Variants in GPC6 observed in about 807,000 individuals in gnomAD.
GPC6 encodes glypican-6.
A neutral mutation model predicts 55.2 loss-of-function variants in GPC6; 14 were observed. The ratio of observed to expected loss-of-function variants is 0.25; its 90% CI spans 0.17 to 0.40. The LOEUF (loss-of-function observed/expected upper bound fraction) is 0.40. GPC6 is among the 10% of genes least tolerant of loss of function. GPC6 has a pLI of 1.00. For missense variants in GPC6, 641 were observed against 708.5 expected, an observed-to-expected ratio of 0.90 and a Z score of 1.08; for synonymous variants, 278 against 259.6, an observed-to-expected ratio of 1.07 and a Z score of -0.68.
chr13:94,209,524 A>G (rs1299504328), intron 4 of GPC6, among the ~76,000 whole-genome samples: 3 of 152,176 alleles, frequency 2.0e-5, no homozygotes, highest in Non-Finnish European at 4.4e-5. Flanking sequence ...CTGCAGAAAT[A>G]CGCCATAAAA....
At chr13:93,376,797 C>T (rs983208677) in intron 1 of GPC6, among the ~76,000 whole-genome samples, 2 of 145,764 alleles carry the variant, frequency 1.4e-5, no homozygotes, top group Non-Finnish European at 3.0e-5. Flanking sequence ...TTTTTGTGAG[C>T]AGTCTCAATA....
chr13:93,773,899 A>G (rs183742830), intron 2 of GPC6, among the ~76,000 whole-genome samples: 3 of 152,262 alleles, frequency 2.0e-5, no homozygotes, highest in Admixed American at 2.0e-4. Context: ...TAAGGGAGAG[A>G]TTTTATAGCA....
chr13:93,467,585 T>TTC (rs1311688560), intron 1 of GPC6, among the ~76,000 whole-genome samples: 2 of 140,684 alleles, frequency 1.4e-5, no homozygotes, highest in Non-Finnish European at 3.1e-5. Context: ...CTTTTTTTTT[T>TTC]TTTTTTTTTT....
chr13:94,008,976 A>G (rs1882132806), intron 3 of GPC6, among the ~76,000 whole-genome samples: 1 of 152,224 alleles, frequency 6.6e-6, no homozygotes, highest in Admixed American at 6.5e-5. Flanking sequence ...TATATAAAGT[A>G]AAATTAATTT....
intron 2 of GPC6, among the ~76,000 whole-genome samples, chr13:93,779,066 T>C (rs1411415118): frequency 6.6e-6 from 1 of 152,248 alleles, no homozygotes; most frequent in Non-Finnish European, 1.5e-5. Context: ...TTTTATATTT[T>C]AAAAACATTT....
At chr13:93,598,939 A>T (rs893119105) in intron 2 of GPC6, among the ~76,000 whole-genome samples, 70 of 152,186 alleles carry the variant, frequency 4.6e-4, no homozygotes, top group Non-Finnish European at 8.8e-5. Flanking sequence ...TGAGATTCTG[A>T]AGTCACCATA....
At chr13:93,579,595 A>C (rs1406347603) in intron 2 of GPC6, among the ~76,000 whole-genome samples, 1 of 152,004 alleles carries the variant, frequency 6.6e-6, no homozygotes, top group East Asian at 1.9e-4. Context: ...TTGAAATTAC[A>C]ATCAGAGATA....
intron 2 of GPC6, among the ~76,000 whole-genome samples, chr13:93,608,512 G>A (rs2139535629): frequency 6.6e-6 from 1 of 152,256 alleles, no homozygotes; most frequent in Non-Finnish European, 1.5e-5. Flanking sequence ...AGTTTTTGAA[G>A]ATGGTTGCTG....
At chr13:93,270,269 C>G (rs527848630) in intron 1 of GPC6, among the ~76,000 whole-genome samples, 163 of 140,600 alleles carry the variant, frequency 1.2e-3, no homozygotes, top group African/African-American at 3.6e-3. Flanking sequence ...AAAAAAAAGG[C>G]CCCACATCAC....
chr13:93,330,331 C>A (rs1412121155), intron 1 of GPC6, among the ~76,000 whole-genome samples: 1 of 152,010 alleles, frequency 6.6e-6, no homozygotes, highest in African/African-American at 2.4e-5. Context: ...TTGAGACTAG[C>A]CTGGGTAGCA....
In GPC6 at chr13:93,994,061, G is replaced by A. The variant is rs74109179; in HGVS notation, c.712-33668G>A. Among the ~76,000 whole-genome samples the A allele has an allele frequency of 4.7e-3, 716 of 152,228 alleles. 7 individuals carry two copies. Among genetic ancestry groups the A allele is most frequent in the African/African-American group, 0.015 (619 of 41,550 alleles). ...AACAAAATACTTACGTTTATTACAA[G>A]TTATTGAAAAACTGAAGAAAGCTTT... On this transcript the variant is annotated intron_variant, in intron 3 of 8. Transcript: ENST00000377047.
intron 2 of GPC6, among the ~76,000 whole-genome samples, chr13:93,579,842 C>T (rs550447179): frequency 6.6e-6 from 1 of 152,098 alleles, no homozygotes; most frequent in Non-Finnish European, 1.5e-5. Flanking sequence ...ATGATGGAGC[C>T]CCTCACTGTG....
chr13:93,510,349 A>G (rs1339039879), intron 1 of GPC6, among the ~76,000 whole-genome samples: 2 of 151,958 alleles, frequency 1.3e-5, no homozygotes, highest in Non-Finnish European at 2.9e-5. Context: ...TCTGTTATCT[A>G]TCTTTCCACT....
At chr13:93,969,167 G>A (rs1303646425) in intron 3 of GPC6, among the ~76,000 whole-genome samples, 1 of 152,178 alleles carries the variant, frequency 6.6e-6, no homozygotes, top group Non-Finnish European at 1.5e-5. Context: ...TCTCCCCAGT[G>A]TTATGGCAGC....
rs755185604 is a variant in GPC6, at chr13:93,789,598, CATATATATATATATATATATATATAT to C, written c.320-40534_320-40509del. Among the ~76,000 whole-genome samples, 40 of 67,700 alleles carry C rather than the reference CATATATATATATATATATATATATAT, an allele frequency of 5.9e-4. 1 individual carries two copies. Among genetic ancestry groups the C allele is most frequent in the Admixed American group, 4.0e-3 (25 of 6,248 alleles). The allele number at this position is 67,700 out of a possible 152,430, so 44.4% of individuals were successfully genotyped here. On this transcript the variant is annotated intron_variant, in intron 2 of 8. Coordinates refer to ENST00000377047, the MANE Select transcript of GPC6 (RefSeq NM_005708.5). Reference sequence around the variant, plus strand: ...TAAATACTATATATATATAATACTACATATATATATATATATATATATATATATATATATATATATATATATAGTAT... The same window carrying C: ...TAAATACTATATATATATAATACTACATATATATATATATATATATAGTAT...
intron 4 of GPC6, among the ~76,000 whole-genome samples, chr13:94,065,869 T>G (rs1369182421): frequency 3.3e-5 from 5 of 152,326 alleles, no homozygotes; most frequent in Middle Eastern, 3.4e-3. Flanking sequence ...GGAATGAGAA[T>G]GAGCTAGGCT....
intron 6 of GPC6, among the ~76,000 whole-genome samples, chr13:94,372,705 G>A (rs1286951877): frequency 6.6e-6 from 1 of 152,170 alleles, no homozygotes; most frequent in East Asian, 1.9e-4. Context: ...ACTGGGTGGA[G>A]CCCACCACAG....
At chr13:93,874,431 T>C (rs1361867439) in intron 3 of GPC6, among the ~76,000 whole-genome samples, 2 of 151,876 alleles carry the variant, frequency 1.3e-5, no homozygotes, top group Non-Finnish European at 2.9e-5. Context: ...TACCATATTT[T>C]CTTTATGCAA....
At chr13:93,919,036 C>T (rs1247413923) in intron 3 of GPC6, among the ~76,000 whole-genome samples, 4 of 152,134 alleles carry the variant, frequency 2.6e-5, no homozygotes, top group African/African-American at 9.7e-5. Context: ...AATGGCGTAG[C>T]ACCATCCCCT....
Sources: allele counts gnomAD v4.1 joint callset (sites outside exome capture counted in the v4.1 genomes callset), GRCh38; gene constraint gnomAD v4.1.1; transcripts MANE v1.5; gene names NCBI Gene and HGNC (gene_info 2026-07-23, HGNC 2026-07-21).